Variants in TGFBR2 observed in about 807,000 individuals in gnomAD.
TGFBR2 encodes the protein transforming growth factor beta receptor 2.
In TGFBR2, 18 loss-of-function variants were observed where a neutral mutation model predicts 49.0. The observed-to-expected ratio is 0.37, with a 90% CI of 0.25 to 0.54. The LOEUF (loss-of-function observed/expected upper bound fraction) is 0.54, where lower values mean the gene tolerates loss of function less well. Ranked by LOEUF, TGFBR2 falls within the 20% of genes least tolerant of loss-of-function variation. The pLI, the probability that TGFBR2 is intolerant of heterozygous loss-of-function variation, is 0.85. For synonymous variants in TGFBR2, 282 were observed against 275.9 expected, an observed-to-expected ratio of 1.02 and a Z score of -0.22; for missense variants, 525 against 722.6, an observed-to-expected ratio of 0.73 and a Z score of 3.13.
At chr3:30,639,693 A>G (rs1375054313) in intron 1 of TGFBR2, among the ~76,000 whole-genome samples, 1 of 152,252 alleles carries the variant, frequency 6.6e-6, no homozygotes, top group Non-Finnish European at 1.5e-5. Context: ...CTATGAATAT[A>G]TAACACTAAT....
At chr3:30,678,546 TAAAA>T (rs1553630848) in intron 5 of TGFBR2, among the ~76,000 whole-genome samples, 6 of 100,866 alleles carry the variant, frequency 5.9e-5, no homozygotes, top group Admixed American at 1.1e-4. Flanking sequence ...AGACTGCGTC[TAAAA>T]AAAAAAAAAA....
intron 3 of TGFBR2, among the ~76,000 whole-genome samples, chr3:30,659,885 G>A (rs559102796): frequency 1.3e-5 from 2 of 151,726 alleles, no homozygotes; most frequent in East Asian, 3.9e-4. Context: ...GTCCCACCAG[G>A]GGAAAAAAAA....
chr3:30,677,112 T>C (rs1045085625), intron 5 of TGFBR2, among the ~76,000 whole-genome samples: 1 of 152,198 alleles, frequency 6.6e-6, no homozygotes, highest in African/African-American at 2.4e-5. Context: ...TGTCTTTCCC[T>C]CTGTCAGTGC....
At chr3:30,637,790 A>G (rs1698565157) in intron 1 of TGFBR2, among the ~76,000 whole-genome samples, 1 of 152,240 alleles carries the variant, frequency 6.6e-6, no homozygotes, top group Non-Finnish European at 1.5e-5. Flanking sequence ...GTTAAAAAAA[A>G]AACCTGTTTG....
chr3:30,691,705 G>A lies in TGFBR2; in HGVS notation c.*106G>A. 2 of 1,319,290 alleles carry A rather than the reference G, an allele frequency of 1.5e-6. No homozygotes were observed. The highest frequency in any genetic ancestry group is 2.2e-6 in the Non-Finnish European group (2 of 918,870). The allele number at this position is 1,319,290 out of a possible 1,614,324, so 81.7% of individuals were successfully genotyped here. On this transcript the variant is annotated 3_prime_UTR_variant, in exon 7 of 7. Coordinates refer to ENST00000295754, the MANE Select transcript of TGFBR2 (RefSeq NM_003242.6). The stretch of plus-strand genomic sequence containing the variant: ...AACTGATGCTTCCTGGAAAACCAAG[G>A]GGGTCACTCCCCTCCCTGTAAGCTG...
chr3:30,660,912 T>A (rs1462474377), intron 3 of TGFBR2, among the ~76,000 whole-genome samples: 1 of 151,952 alleles, frequency 6.6e-6, no homozygotes, highest in African/African-American at 2.4e-5. Flanking sequence ...TTTTAGGAGG[T>A]GAGAAACTCA....
chr3:30,633,362 G>C (rs1324872784), intron 1 of TGFBR2, among the ~76,000 whole-genome samples: 1 of 152,174 alleles, frequency 6.6e-6, no homozygotes, highest in Non-Finnish European at 1.5e-5. Context: ...ACATCACATA[G>C]ATCTGATTTC....
Position 30,684,469 on chromosome 3 carries a change from C to T in TGFBR2, c.1397-3915C>T, listed in dbSNP as rs75465429. Among the ~76,000 whole-genome samples, 125 of 152,312 alleles carry T rather than the reference C, an allele frequency of 8.2e-4. 1 individual carries two copies. The East Asian group carries it at 0.018, about 22-fold the overall frequency. ...CATGCACACACTGCAGATCCCCATC[C>T]GTACTCCTAATCTGAAAAACTAATA... is the stretch of plus-strand genomic sequence containing the variant. On this transcript the variant is annotated intron_variant, in intron 5 of 6. Coordinates refer to ENST00000295754, the MANE Select transcript of TGFBR2 (RefSeq NM_003242.6).
rs570459525 is a variant in TGFBR2, at chr3:30,608,756, A to G, written c.94+1779A>G. ...ATTTGAGTCCTATGGTTTTAATAAA[A>G]TCTTAGTGTTTCGTTCTTGGCGTTT... On this transcript the variant is annotated intron_variant, in intron 1 of 6. Coordinates refer to ENST00000295754, the MANE Select transcript of TGFBR2 (RefSeq NM_003242.6). 9.5e-4 allele frequency among the ~76,000 whole-genome samples: 144 copies of G among 152,094 alleles called. 1 individual carries two copies. Among genetic ancestry groups the G allele is most frequent in the South Asian group, 4.8e-3 (23 of 4,830 alleles).
chr3:30,676,070 A>G lies in TGFBR2; in HGVS notation c.1396+1824A>G, dbSNP rs1030984649. 2.6e-5 allele frequency among the ~76,000 whole-genome samples: 4 copies of G among 152,212 alleles called. No homozygotes were observed. The highest frequency in any genetic ancestry group is 2.0e-4 in the Admixed American group (3 of 15,280). ...TAGACGGTCTCTCACTTTGGGTTTC[A>G]CTAATGTTTTCTCATGATTAGATTG... is the stretch of plus-strand genomic sequence containing the variant. On this transcript the variant is annotated intron_variant, in intron 5 of 6. Coordinates refer to ENST00000295754, the MANE Select transcript of TGFBR2 (RefSeq NM_003242.6). This position sits in a 1 kb window ranked among gnomAD's most constrained non-coding sequence, Gnocchi z 4.3.
At chr3:30,645,038 C>T (rs1575143833) in intron 2 of TGFBR2, 123 bp downstream of exon 2, 2 of 897,804 alleles carry the variant, frequency 2.2e-6, no homozygotes, top group East Asian at 5.3e-5. Context: ...TTTCCCTTTC[C>T]TTTAGACCAT....
At chr3:30,680,267 C>G (rs1246998852) in intron 5 of TGFBR2, among the ~76,000 whole-genome samples, 1 of 152,186 alleles carries the variant, frequency 6.6e-6, no homozygotes, top group East Asian at 1.9e-4. Context: ...GAGGAACATT[C>G]AGTGATGGCC....
intron 1 of TGFBR2, among the ~76,000 whole-genome samples, chr3:30,623,971 A>C (rs769226114): frequency 6.6e-6 from 1 of 151,924 alleles, no homozygotes; most frequent in African/African-American, 2.4e-5. Context: ...GTGAAACCCT[A>C]TCTCTACTAA....
rs1236573891 is a variant in TGFBR2 at position 30,693,268 on chromosome 3, T to A, written c.*1669T>A. 8.6e-6 allele frequency: 2 copies of A among 233,646 alleles called. No homozygotes were observed. Among genetic ancestry groups the A allele is most frequent in the East Asian group, 1.2e-4 (2 of 16,710 alleles). 14.5% of individuals were successfully genotyped at this position (233,646 alleles called of 1,614,324 possible). ...CCATCATGCCAGCCTTCTCAACCTT[T>A]GCAGAAATTACTAGAGAGGATTTGA... On this transcript the variant is annotated 3_prime_UTR_variant, in exon 7 of 7. Coordinates refer to ENST00000295754, the MANE Select transcript of TGFBR2 (RefSeq NM_003242.6).
At chr3:30,637,181 T>G (rs771021890) in intron 1 of TGFBR2, among the ~76,000 whole-genome samples, 34 of 151,986 alleles carry the variant, frequency 2.2e-4, no homozygotes, top group Non-Finnish European at 3.8e-4. Context: ...TAAGGAGAGT[T>G]TAGTAAAACA....
intron 1 of TGFBR2, among the ~76,000 whole-genome samples, chr3:30,631,472 G>A (rs1378640654): frequency 2.6e-5 from 4 of 152,122 alleles, no homozygotes; most frequent in East Asian, 1.9e-4. Flanking sequence ...CAGGAAAGGC[G>A]AAGATCAACC....
intron 5 of TGFBR2, 126 bp from the exon 6 acceptor site, chr3:30,688,258 G>T: frequency 8.0e-7 from 1 of 1,247,552 alleles, no homozygotes; most frequent in Non-Finnish European, 1.2e-6. Flanking sequence ...TTTGCTCTTA[G>T]AGTAATTACG....
chr3:30,634,955 C>T (rs912886789), intron 1 of TGFBR2, among the ~76,000 whole-genome samples: 2 of 152,138 alleles, frequency 1.3e-5, no homozygotes, highest in East Asian at 1.9e-4. Flanking sequence ...CTTCTCAGCC[C>T]CAAACCCTAC....
chr3:30,630,210 G>C (rs890949026), intron 1 of TGFBR2, among the ~76,000 whole-genome samples: 1 of 152,162 alleles, frequency 6.6e-6, no homozygotes, highest in African/African-American at 2.4e-5. Context: ...ACACATCTGG[G>C]TTCTCACCCC....
Sources: allele counts gnomAD v4.1 joint callset (sites outside exome capture counted in the v4.1 genomes callset), GRCh38; gene constraint gnomAD v4.1.1; non-coding constraint Gnocchi (gnomAD v3.1); transcripts MANE v1.5; gene names NCBI Gene and HGNC (gene_info 2026-07-23, HGNC 2026-07-21).